The following NELL1 variants were observed in gnomAD, a reference collection of about 807,000 sequenced individuals.
NELL1 encodes neural EGFL like 1, also known as protein kinase C-binding protein NELL1.
NELL1 carries 76 observed loss-of-function variants against 107.4 expected under a neutral mutation model. The ratio of observed to expected loss-of-function variants is 0.71; its 90% CI spans 0.59 to 0.86. The LOEUF is 0.86. NELL1 is among the 40% of genes least tolerant of loss of function. The pLI is 0.00. For missense variants in NELL1, 1,024 were observed against 1,005.5 expected (o/e 1.02, Z -0.25); for synonymous variants, 353 against 341.2 (o/e 1.03, Z -0.38).
chr11:21,531,053 A>G (rs1219061343), intron 15 of NELL1, among the ~76,000 whole-genome samples: 1 of 152,176 alleles, frequency 6.6e-6, no homozygotes, highest in African/African-American at 2.4e-5. Flanking sequence ...AATCACTGTG[A>G]TAGGACAAGA....
chr11:21,325,068 G>C lies in NELL1; in HGVS notation c.1550-45785G>C, dbSNP rs779969018. 3.3e-5 allele frequency among the ~76,000 whole-genome samples: 5 copies of C among 151,826 alleles called. No individual in the cohort carries two copies. The East Asian group carries it at 9.7e-4, about 29-fold the overall frequency. On this transcript the variant is annotated intron_variant, in intron 14 of 19. Transcript: ENST00000357134. ...AGTCCTTCTGTGTGTCTTAAATAGG[G>C]GTTTCCTTTTCTTCTTGGAATAAAA...
intron 14 of NELL1, among the ~76,000 whole-genome samples, chr11:21,283,402 T>C (rs1201563171): frequency 6.6e-6 from 1 of 151,898 alleles, no homozygotes; most frequent in Non-Finnish European, 1.5e-5. Context: ...GTGGAAGAGG[T>C]TGTGCTTATT....
chr11:21,153,724 T>A (rs146176219), intron 13 of NELL1, among the ~76,000 whole-genome samples: 1 of 152,300 alleles, frequency 6.6e-6, no homozygotes, highest in East Asian at 1.9e-4. Context: ...GTGAGGTAGA[T>A]GTTATTCTCC....
At chr11:21,373,199 ATAGAG>A (rs1851395720) in intron 15 of NELL1, among the ~76,000 whole-genome samples, 1 of 152,118 alleles carries the variant, frequency 6.6e-6, no homozygotes, top group Non-Finnish European at 1.5e-5. Context: ...CATGGAATGA[ATAGAG>A]TACATAGTTT....
intron 14 of NELL1, among the ~76,000 whole-genome samples, chr11:21,336,387 T>C (rs539281860): frequency 6.6e-6 from 1 of 152,096 alleles, no homozygotes; most frequent in East Asian, 1.9e-4. Context: ...ATTTGTGGCT[T>C]GCCCAAGACA....
rs1029701179 is a variant in NELL1 at position 20,850,190 on chromosome 11, A to G, written c.506+2437A>G. 2.0e-5 allele frequency among the ~76,000 whole-genome samples: 3 copies of G among 152,340 alleles called. No individual in the cohort carries two copies. In the East Asian group the frequency reaches 5.8e-4, roughly 29 times the overall value. ...GTTTCTTCCCAGCCAGAACTTGCCA[A>G]CTTTACAGTAGCAGAAGCTCTGTCC... On this transcript the variant is annotated intron_variant, in intron 4 of 19. Transcript: ENST00000357134.
intron 15 of NELL1, among the ~76,000 whole-genome samples, chr11:21,375,845 G>A (rs1233749743): frequency 6.6e-6 from 1 of 151,756 alleles, no homozygotes; most frequent in Non-Finnish European, 1.5e-5. Context: ...CTGCTTGTAT[G>A]TCTGTCATCT....
chr11:21,404,683 T>A (rs1852191329), intron 15 of NELL1, among the ~76,000 whole-genome samples: 1 of 151,980 alleles, frequency 6.6e-6, no homozygotes, highest in Non-Finnish European at 1.5e-5. Flanking sequence ...GAAATAATAA[T>A]CATGAAAATT....
chr11:20,697,398 T>C (rs2133875258), intron 2 of NELL1, among the ~76,000 whole-genome samples: 1 of 125,542 alleles, frequency 8.0e-6, no homozygotes, highest in African/African-American at 3.1e-5. Flanking sequence ...TATGTTGCTT[T>C]TTTTTTTTTT....
At chr11:20,841,857 A>G (rs183808958) in intron 3 of NELL1, among the ~76,000 whole-genome samples, 43 of 152,312 alleles carry the variant, frequency 2.8e-4, no homozygotes, top group African/African-American at 1.0e-3. Flanking sequence ...GGGCAGGGAC[A>G]TGATGTGCCA....
intron 2 of NELL1, among the ~76,000 whole-genome samples, chr11:20,709,741 A>G (rs1855064312): frequency 6.6e-6 from 1 of 151,972 alleles, no homozygotes; most frequent in Admixed American, 6.6e-5. Flanking sequence ...AGTTTTCCTC[A>G]TATAGATTTT....
At chr11:21,296,320 C>G (rs1195849961) in intron 14 of NELL1, among the ~76,000 whole-genome samples, 1 of 151,886 alleles carries the variant, frequency 6.6e-6, no homozygotes, top group Non-Finnish European at 1.5e-5. Flanking sequence ...AAAACCCCCT[C>G]TCAACAAATA....
chr11:21,189,296 T>G (rs1857000291), intron 13 of NELL1, among the ~76,000 whole-genome samples: 1 of 151,930 alleles, frequency 6.6e-6, no homozygotes, highest in Non-Finnish European at 1.5e-5. Flanking sequence ...ATCTTTAATT[T>G]GCCTTGATAT....
chr11:21,149,675 T>C (rs79570088), intron 13 of NELL1, among the ~76,000 whole-genome samples: 9,151 of 152,252 alleles, frequency 0.06, 329 homozygotes, highest in African/African-American at 0.075. Flanking sequence ...TGTTTTTTCA[T>C]GTAGTCAAAC....
At chr11:20,909,458 C>T (rs574420701) in intron 5 of NELL1, among the ~76,000 whole-genome samples, 1 of 152,232 alleles carries the variant, frequency 6.6e-6, no homozygotes, top group South Asian at 2.1e-4. Context: ...CTGAGACATG[C>T]TTTAGACAGA....
At chr11:21,242,822 C>T (rs1051326305) in intron 14 of NELL1, among the ~76,000 whole-genome samples, 2 of 152,108 alleles carry the variant, frequency 1.3e-5, no homozygotes, top group Admixed American at 1.3e-4. Flanking sequence ...TGAGAAACTG[C>T]TTTATGGGTC....
chr11:20,839,856 G>A (rs1325570582), intron 3 of NELL1, among the ~76,000 whole-genome samples: 1 of 152,178 alleles, frequency 6.6e-6, no homozygotes, highest in Non-Finnish European at 1.5e-5. Flanking sequence ...GGAAAATCAG[G>A]ACTTTAGTTT....
intron 2 of NELL1, among the ~76,000 whole-genome samples, chr11:20,759,772 T>C (rs1386601202): frequency 6.6e-6 from 1 of 152,204 alleles, no homozygotes; most frequent in African/African-American, 2.4e-5. Context: ...TTAGAGATAC[T>C]GTTGGAGACA....
intron 12 of NELL1, among the ~76,000 whole-genome samples, chr11:21,069,798 A>C (rs1853966612): frequency 6.6e-6 from 1 of 152,156 alleles, no homozygotes; most frequent in East Asian, 1.9e-4. Context: ...TGGATTTTGC[A>C]GGCAGGAGGC....
Sources: gnomAD v4.1 joint callset for allele counts (sites outside exome capture counted in the v4.1 genomes callset) on GRCh38, gnomAD v4.1.1 for gene constraint, MANE v1.5 for transcripts, NCBI Gene and HGNC (gene_info 2026-07-23, HGNC 2026-07-21) for gene names.